Variants in NLGN1 observed in about 807,000 individuals in gnomAD.
The protein encoded by NLGN1 is neuroligin-1.
A neutral mutation model predicts 65.5 loss-of-function variants in NLGN1; 12 were observed. The observed-to-expected ratio is 0.18, with a 90% CI of 0.12 to 0.30. The LOEUF (loss-of-function observed/expected upper bound fraction) is 0.30, where lower values mean the gene tolerates loss of function less well. Ranked by LOEUF, NLGN1 falls within the 10% of genes least tolerant of loss-of-function variation. The pLI is 1.00. For missense variants in NLGN1, 750 were observed against 1,007.1 expected (o/e 0.74, Z 3.46); for synonymous variants, 350 against 359.5 (o/e 0.97, Z 0.30).
chr3:173,899,269 A>G lies in NLGN1; in HGVS notation c.646+91437A>G, dbSNP rs116263879. On this transcript the variant is annotated intron_variant, in intron 4 of 6. Coordinates refer to ENST00000457714, the Ensembl canonical transcript of NLGN1. ...ATAGCATAAATTTGTTGAACTTGAT[A>G]TAGAGTCAGAGCAATTAACACATTG... Among the ~76,000 whole-genome samples the G allele has an allele frequency of 3.0e-3, 458 of 152,268 alleles. 2 individuals are homozygous for G. Among genetic ancestry groups the G allele is most frequent in the Non-Finnish European group, 2.3e-3 (159 of 67,978 alleles).
intron 3 of NLGN1, among the ~76,000 whole-genome samples, chr3:173,689,228 A>G (rs963182605): frequency 6.6e-6 from 1 of 152,132 alleles, no homozygotes; most frequent in Non-Finnish European, 1.5e-5. Flanking sequence ...TGCTTGCAGC[A>G]TGGCGAAATC....
At chr3:173,577,634 T>C (rs757950041) in intron 2 of NLGN1, among the ~76,000 whole-genome samples, 49 of 152,374 alleles carry the variant, frequency 3.2e-4, no homozygotes, top group Non-Finnish European at 5.4e-4. Flanking sequence ...TTCTTATGCA[T>C]TGAATGTAAC....
chr3:173,846,942 A>G (rs1291843871), intron 4 of NLGN1, among the ~76,000 whole-genome samples: 3 of 152,224 alleles, frequency 2.0e-5, no homozygotes, highest in African/African-American at 7.2e-5. Context: ...GAATCATGGT[A>G]GTAAATATCT....
In NLGN1 at chr3:174,186,110, T is replaced by C. The variant is rs539244939; in HGVS notation, c.647-89205T>C. 3.3e-5 allele frequency among the ~76,000 whole-genome samples: 5 copies of C among 152,220 alleles called. No individual in the cohort carries two copies. In the East Asian group the frequency reaches 5.8e-4, roughly 18 times the overall value. On this transcript the variant is annotated intron_variant, in intron 4 of 6. Coordinates refer to ENST00000457714, the Ensembl canonical transcript of NLGN1. ...AGAGTTGATGTTCAGAAAGAAAAGA[T>C]AGCTGTTAGAAAACATCCTAAGTGA...
At position 174,210,161 on chromosome 3, in the gene NLGN1, C is replaced by T. The variant is rs139794426; in HGVS notation, c.647-65154C>T. On this transcript the variant is annotated intron_variant, in intron 4 of 6. Transcript: ENST00000457714. ...TTCATAAAATTCACATCATCTGTAT[C>T]CTCCAACTCCATCCTCACTCACAAG... 5.9e-3 allele frequency among the ~76,000 whole-genome samples: 894 copies of T among 152,252 alleles called. 23 individuals are homozygous for T. Among genetic ancestry groups the T allele is most frequent in the East Asian group, 0.029 (151 of 5,172 alleles).
intron 3 of NLGN1, among the ~76,000 whole-genome samples, chr3:173,802,626 C>T (rs775688196): frequency 6.6e-6 from 1 of 152,058 alleles, no homozygotes; most frequent in Non-Finnish European, 1.5e-5. Flanking sequence ...CAAATGTTGA[C>T]TCGACATCAC....
At chr3:173,754,228 TG>T in intron 3 of NLGN1, among the ~76,000 whole-genome samples, 1 of 151,648 alleles carries the variant, frequency 6.6e-6, no homozygotes, top group Non-Finnish European at 1.5e-5. Flanking sequence ...TGTAGTTTTT[TG>T]TAGAGATGGG....
chr3:173,730,653 T>C (rs1057316448), intron 3 of NLGN1, among the ~76,000 whole-genome samples: 1 of 152,098 alleles, frequency 6.6e-6, no homozygotes, highest in African/African-American at 2.4e-5. Context: ...CCTTGTCTTT[T>C]CCATATGAAA....
intron 3 of NLGN1, among the ~76,000 whole-genome samples, chr3:173,654,932 A>G (rs1280917459): frequency 6.6e-6 from 1 of 152,152 alleles, no homozygotes; most frequent in African/African-American, 2.4e-5. Flanking sequence ...CCAGTAGTGT[A>G]TACAGTGTGG....
chr3:174,127,189 T>C (rs1396147636), intron 4 of NLGN1, among the ~76,000 whole-genome samples: 1 of 152,170 alleles, frequency 6.6e-6, no homozygotes, highest in Non-Finnish European at 1.5e-5. Context: ...AGAAATCTTA[T>C]CTAAACAGTT....
In NLGN1 at chr3:173,761,601, A is replaced by G. The variant is rs189378835; in HGVS notation, c.494-46079A>G. Among the ~76,000 whole-genome samples, 6 of 152,150 alleles carry G rather than the reference A, an allele frequency of 3.9e-5. No homozygotes were observed. In the East Asian group the frequency reaches 1.2e-3, roughly 29 times the overall value. ...GGCAGATTTTATGAGATTTCTTATTAAATAGACCATAATATTTCTGAGATC... is the reference window on the plus strand; with the variant it reads ...GGCAGATTTTATGAGATTTCTTATTGAATAGACCATAATATTTCTGAGATC... On this transcript the variant is annotated intron_variant, in intron 3 of 6. Transcript: ENST00000457714.
At chr3:173,442,412 A>G (rs529759057) in intron 2 of NLGN1, among the ~76,000 whole-genome samples, 1 of 152,286 alleles carries the variant, frequency 6.6e-6, no homozygotes, top group African/African-American at 2.4e-5. Context: ...CTCTCCTTTT[A>G]ATAAAGCAGA....
intron 4 of NLGN1, among the ~76,000 whole-genome samples, chr3:174,221,220 T>C (rs1448639980): frequency 2.6e-5 from 4 of 152,014 alleles, no homozygotes; most frequent in Non-Finnish European, 5.9e-5. Context: ...CAGCACTGTT[T>C]TGTGGTTTGA....
At chr3:174,022,268 G>T (rs1466516254) in intron 4 of NLGN1, among the ~76,000 whole-genome samples, 2 of 152,098 alleles carry the variant, frequency 1.3e-5, no homozygotes, top group Non-Finnish European at 2.9e-5. Context: ...GCCTTACAGA[G>T]TTTGCTCTGG....
chr3:173,839,078 C>A (rs1724240765), intron 4 of NLGN1, among the ~76,000 whole-genome samples: 1 of 136,776 alleles, frequency 7.3e-6, no homozygotes. Flanking sequence ...TTTTTAACTT[C>A]TTGAATTGGA....
chr3:174,065,658 C>T (rs1427361189), intron 4 of NLGN1, among the ~76,000 whole-genome samples: 1 of 151,854 alleles, frequency 6.6e-6, no homozygotes, highest in Non-Finnish European at 1.5e-5. Flanking sequence ...TACTTACTTG[C>T]TTCTAGTGAA....
intron 3 of NLGN1, among the ~76,000 whole-genome samples, chr3:173,781,655 A>G (rs962115471): frequency 5.9e-5 from 9 of 152,212 alleles, no homozygotes; most frequent in African/African-American, 2.2e-4. Flanking sequence ...AGTTAGTGAT[A>G]TCACTTCAGA....
chr3:173,678,153 C>G (rs1316479610), intron 3 of NLGN1, among the ~76,000 whole-genome samples: 2 of 152,038 alleles, frequency 1.3e-5, no homozygotes, highest in Non-Finnish European at 2.9e-5. Context: ...GTCCACAGGC[C>G]TTTAATGTGA....
chr3:173,651,899 TCTC>T (rs1346622408), intron 3 of NLGN1, among the ~76,000 whole-genome samples: 7 of 152,134 alleles, frequency 4.6e-5, no homozygotes, highest in African/African-American at 1.7e-4. Context: ...TTCAAGCGAT[TCTC>T]CTGCCTCAGC....
Sources: allele counts gnomAD v4.1 joint callset (sites outside exome capture counted in the v4.1 genomes callset), GRCh38; gene constraint gnomAD v4.1.1; transcripts MANE v1.5; gene names NCBI Gene and HGNC (gene_info 2026-07-23, HGNC 2026-07-21).